RAD54L2: variants seen among roughly 807,000 people sequenced by gnomAD.
RAD54L2 encodes the protein RAD54 like 2, also known as helicase ARIP4.
Under a neutral mutation model 138.4 loss-of-function variants are expected in RAD54L2, and 27 were observed. The observed-to-expected ratio is 0.20, with a 90% confidence interval of 0.14 to 0.27. RAD54L2 has a LOEUF of 0.27. Ranked by LOEUF, RAD54L2 falls within the 10% of genes least tolerant of loss-of-function variation. RAD54L2 has a pLI of 1.00. For missense variants in RAD54L2, 1,396 were observed against 1,890.2 expected (o/e 0.74, Z 4.85); for synonymous variants, 644 against 723.2 (o/e 0.89, Z 1.76).
chr3:51,578,000 A>G lies in RAD54L2; in HGVS notation c.-54-12367A>G, dbSNP rs551042879. On this transcript the variant is annotated intron_variant, in intron 2 of 22. Transcript: ENST00000684192. ...CCTAAGGATGTTCTGTTACATAACC[A>G]CAGACCAATTCTCAAAATCAGGAAA... is the stretch of plus-strand genomic sequence containing the variant. 1.2e-4 allele frequency among the ~76,000 whole-genome samples: 18 copies of G among 152,266 alleles called. 1 individual carries two copies. In the East Asian group the frequency reaches 3.3e-3, roughly 28 times the overall value.
rs751786557 is a variant in RAD54L2 at position 51,655,972 on chromosome 3, C to A, written c.3028C>A (p.Gln1010Lys). 1 of 1,597,134 alleles carries A rather than the reference C, an allele frequency of 6.3e-7. No individual in the cohort carries two copies. The highest frequency in any genetic ancestry group is 8.6e-7 in the Non-Finnish European group (1 of 1,168,498). Residue 1010 changes from glutamine (Q) to lysine (K), a missense_variant and splice_region_variant, in exon 20 of 23, where the codon CAG becomes AAG. Gln to Lys is a moderately conservative substitution (Grantham distance 53). Coordinates refer to ENST00000684192, the MANE Select transcript of RAD54L2 (RefSeq NM_015106.4). ...AGTGTCCTTGTCTTTCTCTTACAGG[C>A]AGCCAACTTTGAAGGGTGATGAAAA... ...SIPAFSQRNW[Q>K]PTLKGDEKPV...
chr3:51,545,681 G>T (rs1358335328), intron 2 of RAD54L2, among the ~76,000 whole-genome samples: 2 of 151,904 alleles, frequency 1.3e-5, no homozygotes, highest in East Asian at 3.9e-4. Flanking sequence ...TCAGGCTCGA[G>T]CAATCCTTTC....
At chr3:51,623,428 A>T (rs1171111451) in intron 3 of RAD54L2, among the ~76,000 whole-genome samples, 4 of 152,152 alleles carry the variant, frequency 2.6e-5, no homozygotes, top group Admixed American at 2.6e-4. Flanking sequence ...AATTCCACGG[A>T]GTTAGGCAGA....
chr3:51,657,295 T>G (rs1482853608), intron 20 of RAD54L2, among the ~76,000 whole-genome samples: 1 of 152,078 alleles, frequency 6.6e-6, no homozygotes, highest in African/African-American at 2.4e-5. Flanking sequence ...AACTAAAACA[T>G]TTTTCACACC....
Position 51,639,653 on chromosome 3 carries a change from A to G in RAD54L2, c.2095A>G (p.Ile699Val), listed in dbSNP as rs375101156. Reference sequence around the variant, plus strand: ...CCCTTTCCAGGAGCGAGGCAACAACATTGTCACATATGAATGGGTGAGTCA... The same window carrying G: ...CCCTTTCCAGGAGCGAGGCAACAACGTTGTCACATATGAATGGGTGAGTCA... Reference protein sequence around the residue: ...FNPFQERGNNIVTYEWAKDLL... With the variant: ...FNPFQERGNNVVTYEWAKDLL... Residue 699 changes from isoleucine to valine, a missense_variant, in exon 13 of 23, where the codon ATT becomes GTT. Coordinates refer to ENST00000684192, the MANE Select transcript of RAD54L2 (RefSeq NM_015106.4). 2 of 1,613,656 alleles carry G rather than the reference A, an allele frequency of 1.2e-6. No homozygotes were observed. Among genetic ancestry groups the G allele is most frequent in the Admixed American group, 3.3e-5 (2 of 59,962 alleles).
At chr3:51,605,403 G>C (rs1405566285) in intron 3 of RAD54L2, among the ~76,000 whole-genome samples, 1 of 146,888 alleles carries the variant, frequency 6.8e-6, no homozygotes, top group Non-Finnish European at 1.5e-5. Flanking sequence ...AGTGGCTTTT[G>C]ATACAATTTA....
chr3:51,540,050 A>G (rs1394616886), intron 1 of RAD54L2, among the ~76,000 whole-genome samples: 2 of 152,070 alleles, frequency 1.3e-5, no homozygotes, highest in East Asian at 3.8e-4. Flanking sequence ...TGTGACTCAT[A>G]CTTTCTTTTC....
At chr3:51,554,253 G>A (rs1448557250) in intron 2 of RAD54L2, among the ~76,000 whole-genome samples, 1 of 151,996 alleles carries the variant, frequency 6.6e-6, no homozygotes. Flanking sequence ...TATAATCCCA[G>A]CTATTCTGGA....
intron 2 of RAD54L2, among the ~76,000 whole-genome samples, chr3:51,544,055 T>C (rs998044162): frequency 6.6e-6 from 1 of 152,224 alleles, no homozygotes; most frequent in Non-Finnish European, 1.5e-5. Flanking sequence ...AATTCCTTTT[T>C]ACCATGTTTT....
At chr3:51,623,333 A>G (rs113396426) in intron 3 of RAD54L2, among the ~76,000 whole-genome samples, 1 of 152,336 alleles carries the variant, frequency 6.6e-6, no homozygotes, top group African/African-American at 2.4e-5. Flanking sequence ...TGAATTCTCT[A>G]CACAAATGTC....
At chr3:51,568,986 G>A (rs1310537694) in intron 2 of RAD54L2, among the ~76,000 whole-genome samples, 1 of 152,092 alleles carries the variant, frequency 6.6e-6, no homozygotes, top group Non-Finnish European at 1.5e-5. Flanking sequence ...CAAACAAATG[G>A]GGTCAGCATT....
At chr3:51,547,742 C>T (rs184390508) in intron 2 of RAD54L2, among the ~76,000 whole-genome samples, 3 of 152,038 alleles carry the variant, frequency 2.0e-5, no homozygotes, top group Non-Finnish European at 4.4e-5. Flanking sequence ...CCACTGTGCC[C>T]AGCTAATTTT....
chr3:51,645,883 G>A lies in RAD54L2; in HGVS notation c.2829+120G>A. Reference sequence around the variant, plus strand: ...TTCATGCAGGTGACTTGGACTCAAGGACTTCTTTTTCTTGCCCCACTCAGT... The same window carrying A: ...TTCATGCAGGTGACTTGGACTCAAGAACTTCTTTTTCTTGCCCCACTCAGT... On this transcript the variant is annotated intron_variant, in intron 18 of 22. Transcript: ENST00000684192. The surrounding 1 kb of genome is among the most constrained non-coding windows in gnomAD (Gnocchi z 6.1). The A allele has an allele frequency of 8.9e-7, 1 of 1,124,886 alleles. No individual in the cohort carries two copies. The highest frequency in any genetic ancestry group is 2.6e-5 in the East Asian group (1 of 37,976). The allele number at this position is 1,124,886 out of a possible 1,614,324, so 69.7% of individuals were successfully genotyped here. A position where few individuals can be genotyped will look rare whatever the true frequency, so the allele number is the denominator to read the frequency against.
At position 51,662,538 on chromosome 3, in the gene RAD54L2, G is replaced by T; in HGVS notation, c.3522G>T (p.Glu1174Asp). ...GGCCCGTCTCTCCTGACAGCCCAGA[G>T]ATCATCAGTGAGCTTCAGCAGTATG... ...LARPVSPDSP[E>D]IISELQQYAD... Residue 1174 changes from glutamate (E) to aspartate (D), a missense_variant, in exon 23 of 23, where the codon GAG becomes GAT. Coordinates refer to ENST00000684192, the MANE Select transcript of RAD54L2 (RefSeq NM_015106.4). The surrounding 1 kb of genome is among the most constrained non-coding windows in gnomAD (Gnocchi z 4.6). The T allele has an allele frequency of 6.2e-7, 1 of 1,613,770 alleles. No homozygotes were observed. Among genetic ancestry groups the T allele is most frequent in the African/African-American group, 1.3e-5 (1 of 75,036 alleles).
intron 20 of RAD54L2, 40 bp downstream of exon 20, chr3:51,656,210 T>G (rs766515493): frequency 6.7e-7 from 1 of 1,501,236 alleles, no homozygotes; most frequent in Middle Eastern, 1.8e-4. Context: ...TGCTGTCCCT[T>G]TTAAAATTAC....
At chr3:51,627,519 C>T in intron 3 of RAD54L2, 34 bp from the exon 4 acceptor site, 1 of 1,540,566 alleles carries the variant, frequency 6.5e-7, no homozygotes, top group Non-Finnish European at 8.8e-7. Context: ...CCCCTCACCC[C>T]TATAAAGCAA....
At chr3:51,621,330 A>G (rs1458622235) in intron 3 of RAD54L2, among the ~76,000 whole-genome samples, 1 of 152,236 alleles carries the variant, frequency 6.6e-6, no homozygotes, top group Non-Finnish European at 1.5e-5. Context: ...TGGTTTAGAC[A>G]TGTATCATCT....
At chr3:51,569,540 C>T (rs1358222830) in intron 2 of RAD54L2, among the ~76,000 whole-genome samples, 1 of 151,992 alleles carries the variant, frequency 6.6e-6, no homozygotes, top group Admixed American at 6.6e-5. Context: ...TCCACCACCA[C>T]GCCCAGCTAA....
intron 2 of RAD54L2, among the ~76,000 whole-genome samples, chr3:51,548,989 A>G (rs1698768367): frequency 6.6e-6 from 1 of 151,260 alleles, no homozygotes; most frequent in Admixed American, 6.6e-5. Context: ...ATGCCCGGCT[A>G]ATTTTTTTGT....
Sources: allele counts gnomAD v4.1 joint callset (sites outside exome capture counted in the v4.1 genomes callset), GRCh38; gene constraint gnomAD v4.1.1; non-coding constraint Gnocchi (gnomAD v3.1); transcripts MANE v1.5; gene names NCBI Gene and HGNC (gene_info 2026-07-23, HGNC 2026-07-21).